LIMS1: variants seen among roughly 807,000 people sequenced by gnomAD.
LIMS1 encodes LIM zinc finger domain containing 1, also known as LIM and senescent cell antigen-like-containing domain protein 1.
In LIMS1, 18 loss-of-function variants were observed where a neutral mutation model predicts 44.1. The ratio of observed to expected loss-of-function variants is 0.41; its 90% confidence interval spans 0.28 to 0.61. LIMS1 has a LOEUF of 0.61. Ranked by LOEUF, LIMS1 falls within the 20% of genes least tolerant of loss-of-function variation. The pLI, the probability that LIMS1 is intolerant of heterozygous loss-of-function variation, is 0.32. For synonymous variants in LIMS1, 93 were observed against 149.1 expected (o/e 0.62, Z 2.74); for missense variants, 201 against 422.0 (o/e 0.48, Z 4.59).
intron 1 of LIMS1, among the ~76,000 whole-genome samples, chr2:108,589,932 T>C (rs1278326843): frequency 6.6e-6 from 1 of 152,256 alleles, no homozygotes; most frequent in Admixed American, 6.5e-5. Context: ...TGACCTGTCC[T>C]GGAGAATGTT....
intron 7 of LIMS1, chr2:108,677,537 A>T (rs1433565482): frequency 5.9e-6 from 1 of 168,770 alleles, no homozygotes; most frequent in Non-Finnish European, 1.2e-5. Flanking sequence ...ATGACCATGG[A>T]AATGTCCTGT....
intron 1 of LIMS1, among the ~76,000 whole-genome samples, chr2:108,605,023 A>G (rs1260875206): frequency 6.6e-6 from 1 of 152,220 alleles, no homozygotes; most frequent in Non-Finnish European, 1.5e-5. Flanking sequence ...CTGCCTTCCT[A>G]GCCTCACCTG....
chr2:108,585,229 C>T (rs1686054272), intron 1 of LIMS1, among the ~76,000 whole-genome samples: 1 of 151,022 alleles, frequency 6.6e-6, no homozygotes, highest in South Asian at 2.1e-4. Context: ...TGACTGTCCT[C>T]AGTGCAGTAG....
At chr2:108,674,444 C>G (rs1692371688) in intron 5 of LIMS1, among the ~76,000 whole-genome samples, 1 of 151,658 alleles carries the variant, frequency 6.6e-6, no homozygotes. Flanking sequence ...CAGTTTGGGC[C>G]AGGTGCAGTG....
At chr2:108,662,703 C>G in intron 2 of LIMS1, 1 of 936,756 alleles carries the variant, frequency 1.1e-6, no homozygotes, top group Non-Finnish European at 1.3e-6. Context: ...AAGTTGTTTT[C>G]CAGAAAAGAA....
At chr2:108,612,053 C>CACATAT (rs1368462677) in intron 1 of LIMS1, among the ~76,000 whole-genome samples, 4 of 89,316 alleles carry the variant, frequency 4.5e-5, no homozygotes, top group African/African-American at 2.4e-4. Flanking sequence ...CACACACACA[C>CACATAT]ATATATATAT....
Position 108,680,683 on chromosome 2 carries a change from C to T in LIMS1, c.824-12C>T. The T allele has an allele frequency of 6.2e-7, 1 of 1,608,446 alleles. No individual in the cohort carries two copies. The highest frequency in any genetic ancestry group is 1.1e-5 in the South Asian group (1 of 90,518). The stretch of plus-strand genomic sequence containing the variant: ...ATTTCCATGTGACCAGATCTCTTTC[C>T]TCTTTCTCCAGTGGTCTCTGCTCTT... On this transcript the variant is annotated splice_polypyrimidine_tract_variant and intron_variant, in intron 8 of 9. Transcript: ENST00000544547.
chr2:108,630,856 G>A (rs1352621698), intron 1 of LIMS1, among the ~76,000 whole-genome samples: 1 of 152,160 alleles, frequency 6.6e-6, no homozygotes, highest in South Asian at 2.1e-4. Flanking sequence ...CTAGGCTGTC[G>A]TTCTATGGTA....
intron 1 of LIMS1, among the ~76,000 whole-genome samples, chr2:108,636,867 C>T (rs1001934071): frequency 2.0e-5 from 3 of 152,018 alleles, no homozygotes; most frequent in African/African-American, 7.2e-5. Context: ...GTGACTGAGG[C>T]CCCTGGGAGA....
chr2:108,570,358 A>T (rs1281988375), intron 1 of LIMS1, among the ~76,000 whole-genome samples: 1 of 148,588 alleles, frequency 6.7e-6, no homozygotes, highest in Admixed American at 6.7e-5. Context: ...TGAACCCAGG[A>T]GGTGGAGGTT....
At chr2:108,627,866 A>G (rs1022233040) in intron 1 of LIMS1, among the ~76,000 whole-genome samples, 1 of 151,690 alleles carries the variant, frequency 6.6e-6, no homozygotes, top group Non-Finnish European at 1.5e-5. Context: ...ATAAATATGA[A>G]CCTCCTTAAG....
Position 108,587,360 on chromosome 2 carries a change from A to ATGTTTT in LIMS1, c.32+52780_32+52785dup, listed in dbSNP as rs1377158252. Among the ~76,000 whole-genome samples the ATGTTTT allele has an allele frequency of 1.9e-3, 221 of 116,044 alleles. 1 individual carries two copies. The highest frequency in any genetic ancestry group is 6.6e-3 in the African/African-American group (199 of 30,032). 76.1% of individuals were successfully genotyped at this position (116,044 alleles called of 152,430 possible). A position where few individuals can be genotyped will look rare whatever the true frequency, so the allele number is the denominator to read the frequency against. On this transcript the variant is annotated intron_variant, in intron 1 of 9. Transcript: ENST00000544547. Reference sequence around the variant, plus strand: ...TGTGTGTTTGGTTTGTTGTGGTGGTATGTTTTTGTTTTTGTTTTTTCAGAG... The same window carrying ATGTTTT: ...TGTGTGTTTGGTTTGTTGTGGTGGTATGTTTTTGTTTTTGTTTTTGTTTTTTCAGAG...
chr2:108,610,148 ATGTGTG>A (rs60571292), intron 1 of LIMS1, among the ~76,000 whole-genome samples: 6,701 of 143,286 alleles, frequency 0.047, 231 homozygotes, highest in Middle Eastern at 0.098. Flanking sequence ...GTTACAAAAA[ATGTGTG>A]TGTGTGTGTG....
chr2:108,657,492 G>T (rs1402639110), intron 1 of LIMS1, among the ~76,000 whole-genome samples: 2 of 152,296 alleles, frequency 1.3e-5, no homozygotes, highest in Non-Finnish European at 2.9e-5. Context: ...AGCTTACCGT[G>T]CTCCTTCATC....
intron 1 of LIMS1, among the ~76,000 whole-genome samples, chr2:108,574,053 A>G (rs1263048889): frequency 3.3e-5 from 5 of 152,066 alleles, no homozygotes; most frequent in Non-Finnish European, 4.4e-5. Flanking sequence ...CCCCACCAAA[A>G]AAAAGTGGAA....
chr2:108,670,594 C>G (rs1192510985), intron 2 of LIMS1, among the ~76,000 whole-genome samples, 187 bp from the exon 3 acceptor site: 2 of 152,046 alleles, frequency 1.3e-5, no homozygotes, highest in Non-Finnish European at 2.9e-5. Flanking sequence ...TATGTCTTTC[C>G]TGTACCAACA....
intron 1 of LIMS1, among the ~76,000 whole-genome samples, chr2:108,621,693 C>A (rs770018760): frequency 6.6e-6 from 1 of 152,198 alleles, no homozygotes; most frequent in African/African-American, 2.4e-5. Flanking sequence ...ACCCCTTCTC[C>A]AAACCTACAG....
chr2:108,616,197 CTTTTTTTTTTT>C (rs1159229290), intron 1 of LIMS1, among the ~76,000 whole-genome samples: 2 of 71,950 alleles, frequency 2.8e-5, no homozygotes, highest in African/African-American at 5.6e-5. Context: ...TTTGCATGGG[CTTTTTTTTTTT>C]TTTTTTTTTT....
At chr2:108,641,870 AGAAGCTACAAAATGG>A (rs1285676778) in intron 1 of LIMS1, among the ~76,000 whole-genome samples, 1 of 152,226 alleles carries the variant, frequency 6.6e-6, no homozygotes, top group African/African-American at 2.4e-5. Flanking sequence ...CATTTGTTCT[AGAAGCTACAAAATGG>A]GAAGGAACTT....
Sources: allele counts gnomAD v4.1 joint callset (sites outside exome capture counted in the v4.1 genomes callset), GRCh38; gene constraint gnomAD v4.1.1; transcripts MANE v1.5; gene names NCBI Gene and HGNC (gene_info 2026-07-23, HGNC 2026-07-21).